The following IFI16 variants were observed in gnomAD, a reference collection of about 807,000 sequenced individuals.
The protein encoded by IFI16 is gamma-interferon-inducible protein 16.
In IFI16, 49 loss-of-function variants were observed where a neutral mutation model predicts 68.4. That is an observed-to-expected ratio of 0.72 (90% confidence interval 0.57 to 0.91). The LOEUF (loss-of-function observed/expected upper bound fraction) is 0.91, where lower values mean the gene tolerates loss of function less well. Among genes scored for constraint, IFI16 ranks in the 40% least tolerant of loss-of-function variants. The probability of loss-of-function intolerance (pLI) is 0.00; values close to 1 mark genes in which losing one functional copy is unlikely to be tolerated. For synonymous variants in IFI16, 307 were observed against 315.0 expected, an observed-to-expected ratio of 0.97 and a Z score of 0.27; for missense variants, 878 against 942.9, an observed-to-expected ratio of 0.93 and a Z score of 0.90.
intron 1 of IFI16, among the ~76,000 whole-genome samples, chr1:159,000,790 T>G (rs1201461911): frequency 6.6e-6 from 1 of 152,194 alleles, no homozygotes; most frequent in Non-Finnish European, 1.5e-5. Context: ...GAGGTGGGGC[T>G]TGACGGGAAG....
chr1:159,003,149 C>T (rs1165585888), upstream of IFI16, among the ~76,000 whole-genome samples: 3 of 152,150 alleles, frequency 2.0e-5, no homozygotes, highest in South Asian at 4.1e-4. Context: ...TATGGTTCCA[C>T]TGTGCAAGAT....
chr1:159,025,732 C>T (rs566946556), intron 6 of IFI16, among the ~76,000 whole-genome samples: 1 of 152,256 alleles, frequency 6.6e-6, no homozygotes, highest in Non-Finnish European at 1.5e-5. Context: ...GTTCTTAGTC[C>T]TGAAGTCTCT....
chr1:159,007,135 A>G (rs1424723182), upstream of IFI16, among the ~76,000 whole-genome samples: 1 of 152,230 alleles, frequency 6.6e-6, no homozygotes, highest in African/African-American at 2.4e-5. Context: ...TCAATGGACA[A>G]AACATCAAAG....
chr1:159,051,677 A>C lies in IFI16; in HGVS notation c.1666-2A>C. On this transcript the variant is annotated splice_acceptor_variant, in intron 9 of 11. Transcript: ENST00000295809. LOFTEE classifies it high-confidence loss of function. ...CCTATGTTTTGGTCTCTACCTTCTA[A>C]GTTGAAACCAAGACTGAAGACTGAA... 2 of 1,605,138 alleles carry C rather than the reference A, an allele frequency of 1.2e-6. No individual in the cohort carries two copies. Among genetic ancestry groups the C allele is most frequent in the Non-Finnish European group, 1.7e-6 (2 of 1,174,470 alleles).
At chr1:159,010,856 T>A (rs1021661886) in intron 1 of IFI16, among the ~76,000 whole-genome samples, 1 of 152,184 alleles carries the variant, frequency 6.6e-6, no homozygotes, top group African/African-American at 2.4e-5. Context: ...GGGAAGGCAG[T>A]TAGGAAAAGG....
At chr1:159,002,834 T>G (rs1652109117), upstream of IFI16, among the ~76,000 whole-genome samples, 1 of 152,200 alleles carries the variant, frequency 6.6e-6, no homozygotes, top group Middle Eastern at 3.2e-3. Flanking sequence ...CCTGGGAATC[T>G]CTACTTCCTA....
At chr1:159,009,820 T>G (rs1334132081), upstream of IFI16, 1 of 152,118 alleles carries the variant, frequency 6.6e-6, no homozygotes, top group Non-Finnish European at 1.5e-5. Flanking sequence ...CTCCAGCCCT[T>G]GCCAGGAAAC....
At chr1:159,036,316 A>T (rs1351431784) in intron 7 of IFI16, among the ~76,000 whole-genome samples, 1 of 152,204 alleles carries the variant, frequency 6.6e-6, no homozygotes, top group Non-Finnish European at 1.5e-5. Context: ...AAAATTCACA[A>T]AGACAGTGAG....
intron 7 of IFI16, among the ~76,000 whole-genome samples, chr1:159,033,701 C>G (rs569249353): frequency 8.5e-5 from 13 of 152,136 alleles, no homozygotes; most frequent in African/African-American, 3.1e-4. Context: ...TTATATATGG[C>G]TTTAGATTAG....
At chr1:159,048,825 A>G (rs1485819783) in intron 8 of IFI16, among the ~76,000 whole-genome samples, 1 of 151,562 alleles carries the variant, frequency 6.6e-6, no homozygotes, top group African/African-American at 2.4e-5. Flanking sequence ...AAATATAGCT[A>G]ATGGGAATGC....
At chr1:159,014,411 T>G (rs1453555503) in intron 1 of IFI16, among the ~76,000 whole-genome samples, 1 of 152,108 alleles carries the variant, frequency 6.6e-6, no homozygotes, top group Non-Finnish European at 1.5e-5. Flanking sequence ...CAATTGCTTG[T>G]TCTCAGACCT....
At chr1:159,035,422 G>A (rs900538154) in intron 7 of IFI16, among the ~76,000 whole-genome samples, 2 of 152,170 alleles carry the variant, frequency 1.3e-5, no homozygotes, top group Non-Finnish European at 2.9e-5. Flanking sequence ...GATTATGTGA[G>A]AATTTCTAAG....
At chr1:159,007,540 G>A (rs1455705419), upstream of IFI16, among the ~76,000 whole-genome samples, 1 of 152,124 alleles carries the variant, frequency 6.6e-6, no homozygotes, top group Non-Finnish European at 1.5e-5. Context: ...TTAGAAAATA[G>A]CTTCAATTAC....
chr1:159,053,493 G>C (rs1202514736), intron 10 of IFI16, 40 bp from the exon 11 acceptor site: 3 of 1,391,524 alleles, frequency 2.2e-6, no homozygotes, highest in Admixed American at 1.8e-5. Flanking sequence ...GAAAATTATT[G>C]ATCCAGTTTC....
chr1:159,014,946 G>C lies in IFI16; in HGVS notation c.265+1G>C. 6.2e-7 allele frequency: 1 copy of C among 1,600,580 alleles called. No homozygotes were observed. Among genetic ancestry groups the C allele is most frequent in the Non-Finnish European group, 8.5e-7 (1 of 1,173,948 alleles). On this transcript the variant is annotated splice_donor_variant, in intron 2 of 11. Transcript: ENST00000295809. LOFTEE classifies it high-confidence loss of function. ...ACTCTTAAAAAAGAAAAGTTAAAAG[G>C]TAATTGGGAAGAGGGAACACCCACT...
chr1:159,016,524 C>A lies in IFI16; in HGVS notation c.382-9C>A, dbSNP rs898035558. 60 of 1,600,806 alleles carry A rather than the reference C, an allele frequency of 3.7e-5. No individual in the cohort carries two copies. The highest frequency in any genetic ancestry group is 5.0e-5 in the Non-Finnish European group (59 of 1,174,712). On this transcript the variant is annotated splice_polypyrimidine_tract_variant and intron_variant, in intron 3 of 11. Transcript: ENST00000295809. ...AAAACGAATAACAGGAAAATCAAAC[C>A]ACTTTCAGAAAAGAAAAAAATCAAC...
At chr1:159,028,456 T>C (rs1653803598) in intron 6 of IFI16, among the ~76,000 whole-genome samples, 1 of 152,130 alleles carries the variant, frequency 6.6e-6, no homozygotes, top group Non-Finnish European at 1.5e-5. Context: ...TGGAGAATGT[T>C]CCATGTGCTG....
At chr1:159,052,575 A>G (rs1644619974) in intron 10 of IFI16, 1 of 154,996 alleles carries the variant, frequency 6.5e-6, no homozygotes, top group Admixed American at 6.3e-5. Context: ...AGCTATGTCT[A>G]ACAGTTAGCT....
intron 1 of IFI16, among the ~76,000 whole-genome samples, 196 bp from the exon 2 acceptor site, chr1:159,014,465 G>A (rs1319076047): frequency 1.3e-5 from 1 of 76,540 alleles, no homozygotes; most frequent in Non-Finnish European, 3.8e-5. Context: ...CATTCAATGG[G>A]AATAATTTCT....
Sources: allele counts gnomAD v4.1 joint callset (sites outside exome capture counted in the v4.1 genomes callset), GRCh38; gene constraint gnomAD v4.1.1; transcripts MANE v1.5; gene names NCBI Gene and HGNC (gene_info 2026-07-23, HGNC 2026-07-21).